The following CSMD1 variants were observed in gnomAD, a reference collection of about 807,000 sequenced individuals.
CSMD1 encodes the protein CUB and Sushi multiple domains 1, also known as CUB and sushi domain-containing protein 1.
CSMD1 carries 213 observed loss-of-function variants against 417.5 expected under a neutral mutation model. The observed-to-expected ratio is 0.51, with a 90% CI of 0.46 to 0.57. The LOEUF is 0.57. CSMD1 is among the 20% of genes least tolerant of loss of function. CSMD1 has a pLI of 0.00. For synonymous variants in CSMD1, 2,862 were observed against 1,736.8 expected, an observed-to-expected ratio of 1.65 and a Z score of -16.11; for missense variants, 6,923 against 4,529.7, an observed-to-expected ratio of 1.53 and a Z score of -15.17.
chr8:3,025,733 A>G (rs1809823610), intron 51 of CSMD1, among the ~76,000 whole-genome samples: 1 of 152,246 alleles, frequency 6.6e-6, no homozygotes, highest in African/African-American at 2.4e-5. Flanking sequence ...GGGGCTTTGA[A>G]AAATTTTAAA....
At chr8:3,565,219 T>TAGAA (rs1225194732) in intron 10 of CSMD1, among the ~76,000 whole-genome samples, 1 of 138,828 alleles carries the variant, frequency 7.2e-6, no homozygotes, top group Non-Finnish European at 1.5e-5. Flanking sequence ...GATAGAGAGA[T>TAGAA]AGACAGATAG....
chr8:3,230,493 A>G (rs1343434437), intron 26 of CSMD1, among the ~76,000 whole-genome samples: 2 of 152,220 alleles, frequency 1.3e-5, no homozygotes, highest in African/African-American at 4.8e-5. Context: ...TTTTTTTAAA[A>G]CAAAAATTAC....
At chr8:3,826,817 C>A (rs1271921555) in intron 5 of CSMD1, among the ~76,000 whole-genome samples, 2 of 152,126 alleles carry the variant, frequency 1.3e-5, no homozygotes, top group Admixed American at 6.6e-5. Flanking sequence ...GACAGGGTCT[C>A]ACTCTGTCAT....
chr8:4,000,433 A>G (rs1181062742), intron 4 of CSMD1, among the ~76,000 whole-genome samples: 1 of 152,248 alleles, frequency 6.6e-6, no homozygotes, highest in Non-Finnish European at 1.5e-5. Context: ...TAAAAATAAG[A>G]GGAAGAACAT....
At chr8:3,362,882 G>C (rs780145616) in intron 20 of CSMD1, among the ~76,000 whole-genome samples, 1 of 152,116 alleles carries the variant, frequency 6.6e-6, no homozygotes, top group Non-Finnish European at 1.5e-5. Context: ...TGGGATTATT[G>C]TGTAACATGT....
At position 4,539,926 on chromosome 8, in the gene CSMD1, C is replaced by G. The variant is rs533701861; in HGVS notation, c.302+97416G>C. Reference sequence around the variant, plus strand: ...GCGGAAATCTCAGGGCTGGATTTCTCTTCCCATCTACCCCAGCCCAAACTC... The same window carrying G: ...GCGGAAATCTCAGGGCTGGATTTCTGTTCCCATCTACCCCAGCCCAAACTC... On this transcript the variant is annotated intron_variant, in intron 2 of 69. Coordinates refer to ENST00000635120, the MANE Select transcript of CSMD1 (RefSeq NM_033225.6). Among the ~76,000 whole-genome samples, 7 of 152,260 alleles carry G rather than the reference C, an allele frequency of 4.6e-5. No homozygotes were observed. In the East Asian group the frequency reaches 1.4e-3, roughly 29 times the overall value.
rs892276424 is a variant in CSMD1 at position 4,131,023 on chromosome 8, C to T, written c.416-98924G>A. ...TGTTGGAATCTAGCATTAATGACTC[C>T]ACTGGCTCAAGCGTGATTGGATTTG... On this transcript the variant is annotated intron_variant, in intron 3 of 69. Coordinates refer to ENST00000635120, the MANE Select transcript of CSMD1 (RefSeq NM_033225.6). Among the ~76,000 whole-genome samples the T allele has an allele frequency of 2.6e-5, 4 of 152,056 alleles. No individual in the cohort carries two copies. In the East Asian group the frequency reaches 7.7e-4, roughly 29 times the overall value.
chr8:4,657,792 T>G (rs941786701), intron 1 of CSMD1, among the ~76,000 whole-genome samples: 2 of 149,616 alleles, frequency 1.3e-5, no homozygotes, highest in African/African-American at 4.9e-5. Context: ...AACCTACTGT[T>G]TAAAATACAC....
At chr8:3,175,331 T>G (rs1009128474) in intron 37 of CSMD1, among the ~76,000 whole-genome samples, 1 of 152,180 alleles carries the variant, frequency 6.6e-6, no homozygotes, top group Non-Finnish European at 1.5e-5. Context: ...CACAAATCAC[T>G]GATTCAACCT....
intron 1 of CSMD1, among the ~76,000 whole-genome samples, chr8:4,939,908 A>AAT (rs914547829): frequency 6.6e-6 from 1 of 152,240 alleles, no homozygotes; most frequent in Non-Finnish European, 1.5e-5. Context: ...GTGTACCATA[A>AAT]ATATATATAC....
At chr8:3,996,421 T>C (rs1043462767) in intron 5 of CSMD1, among the ~76,000 whole-genome samples, 1 of 145,862 alleles carries the variant, frequency 6.9e-6, no homozygotes, top group Non-Finnish European at 1.5e-5. Flanking sequence ...ACTAAAGAGA[T>C]GCTTAATAAA....
chr8:3,008,239 A>C (rs1442076319), intron 52 of CSMD1, among the ~76,000 whole-genome samples: 1 of 152,190 alleles, frequency 6.6e-6, no homozygotes, highest in African/African-American at 2.4e-5. Flanking sequence ...CCTGCAAACT[A>C]CATTTGTGCC....
At chr8:3,824,864 C>T (rs1801963403) in intron 5 of CSMD1, among the ~76,000 whole-genome samples, 1 of 151,988 alleles carries the variant, frequency 6.6e-6, no homozygotes, top group African/African-American at 2.4e-5. Context: ...TCAATTAAAA[C>T]CTGACACAGG....
At chr8:4,758,498 T>G (rs981778254) in intron 1 of CSMD1, among the ~76,000 whole-genome samples, 1 of 152,152 alleles carries the variant, frequency 6.6e-6, no homozygotes, top group Admixed American at 6.5e-5. Flanking sequence ...CTTTGGACTG[T>G]GCTGGTCAGT....
chr8:3,256,397 G>A (rs1013213938), intron 26 of CSMD1, among the ~76,000 whole-genome samples: 2 of 151,914 alleles, frequency 1.3e-5, no homozygotes, highest in African/African-American at 4.8e-5. Flanking sequence ...GGCAGACACT[G>A]TGCCCCAGCA....
At chr8:3,474,684 G>C (rs747642842) in intron 11 of CSMD1, among the ~76,000 whole-genome samples, 1 of 152,082 alleles carries the variant, frequency 6.6e-6, no homozygotes, top group East Asian at 1.9e-4. Flanking sequence ...GGTATACAGA[G>C]TTTTACTTGA....
In CSMD1 at chr8:3,409,215, A is replaced by T. The variant is rs144632498; in HGVS notation, c.1744+208T>A. On this transcript the variant is annotated intron_variant, in intron 13 of 69. Coordinates refer to ENST00000635120, the MANE Select transcript of CSMD1 (RefSeq NM_033225.6). ...CAAGTACATTTTGTCGAGTAGATGT[A>T]ATGAAACTATAAATTAGTTTTTACT... is the stretch of plus-strand genomic sequence containing the variant. Among the ~76,000 whole-genome samples the T allele has an allele frequency of 8.9e-3, 1,361 of 152,338 alleles. 9 individuals carry two copies. Among genetic ancestry groups the T allele is most frequent in the Non-Finnish European group, 0.014 (923 of 68,042 alleles).
chr8:4,538,898 T>G (rs1057292710), intron 2 of CSMD1, among the ~76,000 whole-genome samples: 8 of 152,198 alleles, frequency 5.3e-5, no homozygotes, highest in South Asian at 2.1e-4. Flanking sequence ...TCCCCTTTTA[T>G]GGAATCTTTG....
chr8:4,746,965 G>C (rs1251615035), intron 1 of CSMD1, among the ~76,000 whole-genome samples: 1 of 152,166 alleles, frequency 6.6e-6, no homozygotes, highest in Non-Finnish European at 1.5e-5. Flanking sequence ...ATTAGAGAGA[G>C]GGAAGAACAG....
Sources: gnomAD v4.1 joint callset for allele counts (sites outside exome capture counted in the v4.1 genomes callset) on GRCh38, gnomAD v4.1.1 for gene constraint, MANE v1.5 for transcripts, NCBI Gene and HGNC (gene_info 2026-07-23, HGNC 2026-07-21) for gene names.